Variants in MED12L observed in about 807,000 individuals in gnomAD.
MED12L encodes mediator complex subunit 12L, also known as mediator of RNA polymerase II transcription subunit 12-like protein.
Under a neutral mutation model 281.3 loss-of-function variants are expected in MED12L, and 60 were observed. That is an observed-to-expected ratio of 0.21 (90% confidence interval 0.17 to 0.26). The LOEUF (loss-of-function observed/expected upper bound fraction) is 0.26, where lower values mean the gene tolerates loss of function less well. MED12L is among the 10% of genes least tolerant of loss of function. The pLI is 1.00. For missense variants in MED12L, 2,146 were observed against 2,680.9 expected, an observed-to-expected ratio of 0.80 and a Z score of 4.41; for synonymous variants, 974 against 987.2, an observed-to-expected ratio of 0.99 and a Z score of 0.25.
intron 39 of MED12L, among the ~76,000 whole-genome samples, chr3:151,397,598 G>T (rs991477912): frequency 1.3e-5 from 2 of 152,118 alleles, no homozygotes; most frequent in African/African-American, 4.8e-5. Context: ...TCTAAAGACA[G>T]AATTATATGG....
intron 16 of MED12L, among the ~76,000 whole-genome samples, chr3:151,319,568 T>A (rs1748746556): frequency 6.6e-6 from 1 of 151,948 alleles, no homozygotes. Flanking sequence ...TTTTTTTCCT[T>A]CTAACATTAT....
intron 11 of MED12L, among the ~76,000 whole-genome samples, chr3:151,182,339 C>CTG (rs145586614): frequency 0.073 from 11,155 of 151,952 alleles, 924 homozygotes; most frequent in East Asian, 0.2. Flanking sequence ...AGTGGGCCTG[C>CTG]TGAGTGGCTT....
chr3:151,307,641 A>G (rs1454167777), intron 16 of MED12L, among the ~76,000 whole-genome samples: 1 of 151,168 alleles, frequency 6.6e-6, no homozygotes, highest in African/African-American at 2.4e-5. Flanking sequence ...TGAAGACAAG[A>G]TTTGTGTCTA....
chr3:151,422,977 A>G (rs1718443442), intron 43 of MED12L, among the ~76,000 whole-genome samples: 1 of 146,346 alleles, frequency 6.8e-6, no homozygotes. Context: ...GCTTTTGCAC[A>G]AGTCCCTTCT....
intron 16 of MED12L, among the ~76,000 whole-genome samples, chr3:151,256,820 T>C (rs1376648147): frequency 6.6e-6 from 1 of 151,886 alleles, no homozygotes; most frequent in Non-Finnish European, 1.5e-5. Flanking sequence ...AGTCTGTTTT[T>C]TTTTTTTTCT....
intron 38 of MED12L, among the ~76,000 whole-genome samples, chr3:151,392,026 G>T (rs1309044946): frequency 6.6e-6 from 1 of 151,330 alleles, no homozygotes; most frequent in Admixed American, 6.6e-5. Flanking sequence ...AGATGTAGAA[G>T]TTTGTTTGTA....
chr3:151,428,984 G>A (rs897471891), intron 43 of MED12L, among the ~76,000 whole-genome samples: 1 of 152,196 alleles, frequency 6.6e-6, no homozygotes, highest in Non-Finnish European at 1.5e-5. Context: ...CAAGCTCTGA[G>A]GAGGAAATAG....
At chr3:151,107,952 G>T (rs1022278243) in intron 2 of MED12L, among the ~76,000 whole-genome samples, 6 of 152,222 alleles carry the variant, frequency 3.9e-5, no homozygotes, top group African/African-American at 1.4e-4. Context: ...GGCTTTGAAT[G>T]CCAGTCCTGG....
Position 151,185,384 on chromosome 3 carries a change from T to C in MED12L, c.1549T>C (p.Cys517Arg). The C allele has an allele frequency of 6.2e-7, 1 of 1,614,024 alleles. No homozygotes were observed. ...VTLLCEWAVS[C>R]KRSGKHRAMA... is the part of the protein sequence containing the mutation. Reference sequence around the variant, plus strand: ...GCTGTTATGTGAATGGGCCGTGAGCTGCAAACGGTCTGGCAAGCACAGGGC... The same window carrying C: ...GCTGTTATGTGAATGGGCCGTGAGCCGCAAACGGTCTGGCAAGCACAGGGC... The change falls in exon 12 of 45, where the codon TGC (cysteine) becomes CGC (arginine). Residue 517 changes from cysteine to arginine, a missense_variant. Physicochemically the swap from Cys to Arg is radical, Grantham distance 180. This residue lies in a region of MED12L where 722 missense variants were observed against 861.2 expected (regional missense o/e 0.84). Coordinates refer to ENST00000687756, the MANE Select transcript of MED12L (RefSeq NM_001393769.1).
intron 5 of MED12L, among the ~76,000 whole-genome samples, chr3:151,150,783 T>C (rs543832263): frequency 6.6e-6 from 1 of 152,338 alleles, no homozygotes; most frequent in South Asian, 2.1e-4. Context: ...TATACTTCCA[T>C]GTTGTGACAA....
chr3:151,313,937 T>A (rs1248327869), intron 16 of MED12L, among the ~76,000 whole-genome samples: 2 of 146,566 alleles, frequency 1.4e-5, no homozygotes, highest in African/African-American at 2.5e-5. Context: ...AAAAAAAAAA[T>A]TGCATGATAA....
At chr3:151,342,868 C>G (rs1752046708) in intron 16 of MED12L, among the ~76,000 whole-genome samples, 1 of 152,144 alleles carries the variant, frequency 6.6e-6, no homozygotes, top group South Asian at 2.1e-4. Flanking sequence ...ATTTCTTACA[C>G]TGTCATGGAT....
At chr3:151,355,813 T>C in intron 18 of MED12L, 83 bp from the exon 19 acceptor site, 1 of 1,271,318 alleles carries the variant, frequency 7.9e-7, no homozygotes, top group Non-Finnish European at 1.1e-6. Flanking sequence ...GATTCAACTG[T>C]CTTAAAAAGT....
chr3:151,178,597 G>A (rs1722357850), intron 11 of MED12L, among the ~76,000 whole-genome samples: 1 of 152,292 alleles, frequency 6.6e-6, no homozygotes, highest in South Asian at 2.1e-4. Context: ...TCATTTCCAC[G>A]AGTTATGTTG....
At chr3:151,421,927 CT>C (rs1181385886) in intron 43 of MED12L, among the ~76,000 whole-genome samples, 1 of 152,118 alleles carries the variant, frequency 6.6e-6, no homozygotes, top group Non-Finnish European at 1.5e-5. Context: ...TGAACTCTTC[CT>C]GTTTTGGGGT....
chr3:151,425,027 T>G (rs1303066534), intron 43 of MED12L, among the ~76,000 whole-genome samples: 1 of 152,194 alleles, frequency 6.6e-6, no homozygotes, highest in East Asian at 1.9e-4. Context: ...TTGCCTGGAT[T>G]TTGATAAATA....
Position 151,340,050 on chromosome 3 carries a change from G to A in MED12L, c.2251-10009G>A, listed in dbSNP as rs1751611694. On this transcript the variant is annotated intron_variant, in intron 16 of 44. Coordinates refer to ENST00000687756, the MANE Select transcript of MED12L (RefSeq NM_001393769.1). ...GAATTCCTTTCTGTCCTTAATTATGGAAGGAAAACGATTAAGAATCATGTT... is the reference window on the plus strand; with the variant it reads ...GAATTCCTTTCTGTCCTTAATTATGAAAGGAAAACGATTAAGAATCATGTT... Among the ~76,000 whole-genome samples the A allele has an allele frequency of 1.3e-5, 2 of 151,998 alleles. 1 individual carries two copies. Among genetic ancestry groups the A allele is most frequent in the South Asian group, 4.1e-4 (2 of 4,822 alleles).
At position 151,436,005 on chromosome 3, in the gene MED12L, C is replaced by A. The variant is rs2108512866; in HGVS notation, c.*3201C>A. On this transcript the variant is annotated 3_prime_UTR_variant, in exon 45 of 45. Coordinates refer to ENST00000687756, the MANE Select transcript of MED12L (RefSeq NM_001393769.1). ...AGAAGTTTCATTGTATTTTTAAAAC[C>A]TTTTTAATGGGTGTATTTGGACAAA... is the stretch of plus-strand genomic sequence containing the variant. The A allele has an allele frequency of 6.6e-6, 1 of 152,206 alleles. No individual in the cohort carries two copies. The highest frequency in any genetic ancestry group is 2.1e-4 in the South Asian group (1 of 4,816). 9.4% of individuals were successfully genotyped at this position (152,206 alleles called of 1,614,324 possible). A position where few individuals can be genotyped will look rare whatever the true frequency, so the allele number is the denominator to read the frequency against.
chr3:151,197,837 T>G (rs1391108314), intron 16 of MED12L: 1 of 152,680 alleles, frequency 6.5e-6, no homozygotes, highest in African/African-American at 2.4e-5. Context: ...TTGTCTATAT[T>G]TTTCAAGCCT....
Sources: gnomAD v4.1 joint callset for allele counts (sites outside exome capture counted in the v4.1 genomes callset) on GRCh38, gnomAD v4.1.1 for gene constraint, gnomAD v4.1.1 regional missense constraint, MANE v1.5 for transcripts, NCBI Gene and HGNC (gene_info 2026-07-23, HGNC 2026-07-21) for gene names.